The following ITSN1 variants were observed in gnomAD, a reference collection of about 807,000 sequenced individuals.
ITSN1 encodes the protein intersectin-1.
Under a neutral mutation model 239.8 loss-of-function variants are expected in ITSN1, and 58 were observed. That is an observed-to-expected ratio of 0.24 (90% CI 0.20 to 0.30). The LOEUF (loss-of-function observed/expected upper bound fraction) is 0.30, where lower values mean the gene tolerates loss of function less well. Ranked by LOEUF, ITSN1 falls within the 10% of genes least tolerant of loss-of-function variation. The pLI is 1.00. For missense variants in ITSN1, 1,558 were observed against 2,103.3 expected, an observed-to-expected ratio of 0.74 and a Z score of 5.07; for synonymous variants, 780 against 770.8, an observed-to-expected ratio of 1.01 and a Z score of -0.20.
intron 9 of ITSN1, among the ~76,000 whole-genome samples, chr21:33,765,410 T>A (rs1188932218): frequency 1.3e-5 from 2 of 152,120 alleles, no homozygotes; most frequent in Non-Finnish European, 2.9e-5. Flanking sequence ...GGCAGGAGGA[T>A]CATTTAAGCC....
At chr21:33,744,905 C>G (rs1364803007) in intron 5 of ITSN1, among the ~76,000 whole-genome samples, 1 of 152,116 alleles carries the variant, frequency 6.6e-6, no homozygotes, top group Non-Finnish European at 1.5e-5. Context: ...ACCTTGAAAA[C>G]AGGTAAAGGG....
At chr21:33,779,975 G>T (rs1283087456) in intron 14 of ITSN1, among the ~76,000 whole-genome samples, 2 of 152,128 alleles carry the variant, frequency 1.3e-5, no homozygotes, top group Non-Finnish European at 2.9e-5. Context: ...GGGATTACAG[G>T]CAAGCGCCAC....
intron 1 of ITSN1, among the ~76,000 whole-genome samples, chr21:33,651,731 C>G (rs2088552911): frequency 6.6e-6 from 1 of 152,154 alleles, no homozygotes; most frequent in African/African-American, 2.4e-5. Context: ...TTTGCATTGT[C>G]TATAGAAGCT....
Position 33,840,652 on chromosome 21 carries a change from G to A in ITSN1, c.3661+4020G>A, listed in dbSNP as rs918382881. ...ACTGGGATTACAGGTGTGAGCCACC[G>A]TGCCTGGCTTACTTTTTGTATTTTT... On this transcript the variant is annotated intron_variant, in intron 29 of 39. Transcript: ENST00000381318. Among the ~76,000 whole-genome samples the A allele has an allele frequency of 7.2e-5, 11 of 151,862 alleles. No homozygotes were observed. The South Asian group carries it at 8.4e-4, about 12-fold the overall frequency.
rs533989725 is a variant in ITSN1 at position 33,774,012 on chromosome 21, C to T, written c.1306-717C>T. 6.6e-5 allele frequency among the ~76,000 whole-genome samples: 10 copies of T among 152,244 alleles called. No homozygotes were observed. In the East Asian group the frequency reaches 1.4e-3, roughly 21 times the overall value. On this transcript the variant is annotated intron_variant, in intron 12 of 39. Transcript: ENST00000381318. ...TCCTTTTTGTTCAGACAGACACTAA[C>T]AAAATTTTAATTTTCAGAATGAACA...
chr21:33,836,304 A>C (rs1478008216), intron 28 of ITSN1, 137 bp from the exon 29 acceptor site: 2 of 542,322 alleles, frequency 3.7e-6, no homozygotes, highest in Non-Finnish European at 6.1e-6. Flanking sequence ...TAAAAAGCCC[A>C]ACAGAACAGT....
At chr21:33,869,295 C>T (rs988804133) in intron 33 of ITSN1, among the ~76,000 whole-genome samples, 1 of 152,198 alleles carries the variant, frequency 6.6e-6, no homozygotes, top group Non-Finnish European at 1.5e-5. Flanking sequence ...ACACATCCTT[C>T]TTCACATAAT....
At chr21:33,875,232 A>T in intron 33 of ITSN1, 122 bp from the exon 34 acceptor site, 1 of 1,040,836 alleles carries the variant, frequency 9.6e-7, no homozygotes, top group Non-Finnish European at 1.4e-6. Context: ...CGATTGCTCA[A>T]GTGGGCGCCG....
At chr21:33,826,792 A>C in intron 25 of ITSN1, 26 bp from the exon 26 acceptor site, 2 of 1,610,804 alleles carry the variant, frequency 1.2e-6, no homozygotes, top group Non-Finnish European at 1.7e-6. Flanking sequence ...TCAGCATGCA[A>C]ATGAGACCTT....
At chr21:33,760,583 A>C (rs2068244042) in intron 8 of ITSN1, among the ~76,000 whole-genome samples, 1 of 152,198 alleles carries the variant, frequency 6.6e-6, no homozygotes, top group Non-Finnish European at 1.5e-5. Flanking sequence ...GGTTTATCTG[A>C]AATGAGCAAA....
chr21:33,831,153 C>G (rs889988047), intron 27 of ITSN1, among the ~76,000 whole-genome samples: 1 of 152,340 alleles, frequency 6.6e-6, no homozygotes, highest in South Asian at 2.1e-4. Context: ...CCTCCCCCAT[C>G]CAAAGTGAAG....
In ITSN1 at chr21:33,863,188, A is replaced by C. The variant is rs115549342; in HGVS notation, c.3891-1963A>C. ...CCATGACTGAATCTAATAGGTGCCT[A>C]GTCCATAGTAAATCAGGCTTTAATT... On this transcript the variant is annotated intron_variant, in intron 31 of 39. Transcript: ENST00000381318. Among the ~76,000 whole-genome samples, 1,195 of 152,318 alleles carry C rather than the reference A, an allele frequency of 7.8e-3. 15 individuals are homozygous for C. Among genetic ancestry groups the C allele is most frequent in the African/African-American group, 0.027 (1,132 of 41,574 alleles).
chr21:33,802,425 TG>T lies in ITSN1; in HGVS notation c.2305-3del. On this transcript the variant is annotated splice_polypyrimidine_tract_variant and splice_region_variant and intron_variant, in intron 19 of 39. Coordinates refer to ENST00000381318, the MANE Select transcript of ITSN1 (RefSeq NM_003024.3). ...TGCTTTCAAACCTTTGCTTTCCTGGTGGAGGTTAAAGGGGAATGGGTAAGTG... is the reference window on the plus strand; with the variant it reads ...TGCTTTCAAACCTTTGCTTTCCTGGTGAGGTTAAAGGGGAATGGGTAAGTG... The T allele has an allele frequency of 1.2e-6, 2 of 1,613,222 alleles. No individual in the cohort carries two copies. Among genetic ancestry groups the T allele is most frequent in the Non-Finnish European group, 1.7e-6 (2 of 1,179,480 alleles).
intron 1 of ITSN1, among the ~76,000 whole-genome samples, chr21:33,666,469 A>C (rs879762741): frequency 2.7e-4 from 29 of 107,546 alleles, no homozygotes; most frequent in Non-Finnish European, 4.4e-4. Flanking sequence ...ATTTAAAAAA[A>C]ATAAATATTT....
chr21:33,765,814 T>C lies in ITSN1; in HGVS notation c.789-61T>C, dbSNP rs1177469555. ...GAAAACATAACTTTTAAATCACTAATGAATAGTAAAAAGCATGAATTTTCA... is the reference window on the plus strand; with the variant it reads ...GAAAACATAACTTTTAAATCACTAACGAATAGTAAAAAGCATGAATTTTCA... On this transcript the variant is annotated intron_variant, in intron 9 of 39. Transcript: ENST00000381318. 1.0e-5 allele frequency: 16 copies of C among 1,569,890 alleles called. No homozygotes were observed. In the East Asian group the frequency reaches 2.7e-4, roughly 26 times the overall value.
chr21:33,691,356 A>G (rs2091538540), intron 1 of ITSN1, among the ~76,000 whole-genome samples: 1 of 152,226 alleles, frequency 6.6e-6, no homozygotes, highest in Non-Finnish European at 1.5e-5. Flanking sequence ...TCCACCTGGG[A>G]CAATTCTAAC....
At chr21:33,748,204 G>A (rs1000036313) in intron 5 of ITSN1, among the ~76,000 whole-genome samples, 2 of 152,120 alleles carry the variant, frequency 1.3e-5, no homozygotes, top group African/African-American at 4.8e-5. Context: ...CAGTGGCTCA[G>A]CCCTGTAATC....
intron 34 of ITSN1, among the ~76,000 whole-genome samples, chr21:33,876,075 C>T (rs1274799712): frequency 7.1e-6 from 1 of 141,652 alleles, no homozygotes; most frequent in Non-Finnish European, 1.5e-5. Context: ...TCTCTTTCTC[C>T]CTTTTTCTTT....
chr21:33,834,258 A>T lies in ITSN1; in HGVS notation c.3352-49A>T, dbSNP rs761117018. On this transcript the variant is annotated intron_variant, in intron 27 of 39. Coordinates refer to ENST00000381318, the MANE Select transcript of ITSN1 (RefSeq NM_003024.3). ...GCTCTGTTATAAAGTGAGCTGTATT[A>T]TAAAAGATGCGCCTTTAAAAATGTT... 2.9e-6 allele frequency: 4 copies of T among 1,365,718 alleles called. No individual in the cohort carries two copies. The East Asian group carries it at 9.1e-5, about 31-fold the overall frequency. The allele number at this position is 1,365,718 out of a possible 1,614,324, so 84.6% of individuals were successfully genotyped here. A position where few individuals can be genotyped will look rare whatever the true frequency, so the allele number is the denominator to read the frequency against.
Sources: allele counts gnomAD v4.1 joint callset (sites outside exome capture counted in the v4.1 genomes callset), GRCh38; gene constraint gnomAD v4.1.1; transcripts MANE v1.5; gene names NCBI Gene and HGNC (gene_info 2026-07-23, HGNC 2026-07-21).